PRPF8: variants seen among roughly 807,000 people sequenced by gnomAD.
PRPF8 encodes pre-mRNA processing factor 8.
In PRPF8, 64 loss-of-function variants were observed where a neutral mutation model predicts 285.9. The observed-to-expected ratio is 0.22, with a 90% CI of 0.18 to 0.28. The LOEUF (loss-of-function observed/expected upper bound fraction) is 0.28, where lower values mean the gene tolerates loss of function less well. PRPF8 is among the 10% of genes least tolerant of loss of function. The pLI is 1.00. For synonymous variants in PRPF8, 1,325 were observed against 1,118.2 expected, an observed-to-expected ratio of 1.18 and a Z score of -3.69; for missense variants, 1,426 against 3,026.7, an observed-to-expected ratio of 0.47 and a Z score of 12.41.
rs1912462591 is a variant in PRPF8 at position 1,673,896 on chromosome 17, C to T, written c.3300-4G>A. 1.2e-6 allele frequency: 2 copies of T among 1,612,570 alleles called. No individual in the cohort carries two copies. Among genetic ancestry groups the T allele is most frequent in the South Asian group, 1.1e-5 (1 of 91,066 alleles). On this transcript the variant is annotated splice_region_variant and splice_polypyrimidine_tract_variant and intron_variant, in intron 21 of 42. Transcript: ENST00000304992. The surrounding 1 kb of genome is among the most constrained non-coding windows in gnomAD (Gnocchi z 5.5). ...CCGAGCCTCATCTGCTGTGAACCTA[C>T]ACCAGACCAGGTACACTGCTGAGGC... is the stretch of plus-strand genomic sequence containing the variant.
In PRPF8 at chr17:1,651,278, T is replaced by G. The variant is rs1283212744; in HGVS notation, c.6683A>C (p.Tyr2228Ser). ...FTPGSCTLTAYKLTPSGYEWG... is the reference protein window; with the variant it reads ...FTPGSCTLTASKLTPSGYEWG... ...TTCGTAGCCACTGGGGGTCAGCTTG[T>G]AGGCCGTCAGTGTACAGGAGCCTGG... The change falls in exon 42 of 43, where the codon TAC (tyrosine) becomes TCC (serine). Residue 2228 changes from tyrosine to serine, a missense_variant. By Grantham distance (144) the Tyr-to-Ser change is moderately radical. Coordinates refer to ENST00000304992, the MANE Select transcript of PRPF8 (RefSeq NM_006445.4). The surrounding 1 kb of genome is among the most constrained non-coding windows in gnomAD (Gnocchi z 5.1). 6.2e-7 allele frequency: 1 copy of G among 1,613,924 alleles called. No individual in the cohort carries two copies. Among genetic ancestry groups the G allele is most frequent in the Non-Finnish European group, 8.5e-7 (1 of 1,180,004 alleles).
At chr17:1,655,581 C>T (rs749617673) in intron 36 of PRPF8, 38 bp from the exon 37 acceptor site, 1 of 1,527,584 alleles carries the variant, frequency 6.5e-7, no homozygotes, top group Admixed American at 1.7e-5. Flanking sequence ...AGGTCAGCTG[C>T]TTGAGGCTCT....
chr17:1,684,609 C>A, intron 1 of PRPF8, 27 bp from the exon 2 acceptor site: 1 of 1,604,920 alleles, frequency 6.2e-7, no homozygotes, highest in East Asian at 2.2e-5. Flanking sequence ...TAGAAAAATT[C>A]ACTAACCACA....
At chr17:1,667,070 G>A (rs1414181562) in intron 24 of PRPF8, among the ~76,000 whole-genome samples, 1 of 152,154 alleles carries the variant, frequency 6.6e-6, no homozygotes, top group Non-Finnish European at 1.5e-5. Context: ...CTACTCAGGA[G>A]GCTGAGGCAG....
intron 8 of PRPF8, chr17:1,680,440 T>A (rs1912848339): frequency 3.8e-6 from 2 of 521,800 alleles, no homozygotes; most frequent in Admixed American, 3.2e-5. Flanking sequence ...TACATCTCAA[T>A]ATAAAGGCTA....
At chr17:1,655,127 T>G (rs1246044122) in intron 37 of PRPF8, 3 of 548,798 alleles carry the variant, frequency 5.5e-6, no homozygotes, top group Non-Finnish European at 9.8e-6. Flanking sequence ...CCGGCTAACT[T>G]TTGTATTTTT....
At chr17:1,654,227 A>G (rs1911230360) in intron 37 of PRPF8, 4 of 690,602 alleles carry the variant, frequency 5.8e-6, no homozygotes, top group Admixed American at 2.1e-5. Flanking sequence ...CTGCGTGTGC[A>G]CCTTCCCACT....
At chr17:1,657,235 C>T (rs1911432659) in intron 34 of PRPF8, among the ~76,000 whole-genome samples, 1 of 152,190 alleles carries the variant, frequency 6.6e-6, no homozygotes, top group African/African-American at 2.4e-5. Flanking sequence ...GGAAGAGAAA[C>T]TGGCTGGACA....
Position 1,661,847 on chromosome 17 carries a change from A to G in PRPF8, c.4023-57T>C. On this transcript the variant is annotated intron_variant, in intron 25 of 42. Coordinates refer to ENST00000304992, the MANE Select transcript of PRPF8 (RefSeq NM_006445.4). This position sits in a 1 kb window ranked among gnomAD's most constrained non-coding sequence, Gnocchi z 7.3. ...AAATAAAGCCTAAAACTAAAGAAAT[A>G]CCCACTTCCCTTAGGGCCTGAGCAA... The G allele has an allele frequency of 2.5e-6, 4 of 1,614,024 alleles. No individual in the cohort carries two copies. The highest frequency in any genetic ancestry group is 3.4e-6 in the Non-Finnish European group (4 of 1,180,028).
Position 1,676,510 on chromosome 17 carries a change from G to A in PRPF8, c.2383C>T (p.Leu795=). The A allele has an allele frequency of 6.2e-7, 1 of 1,614,126 alleles. No individual in the cohort carries two copies. The highest frequency in any genetic ancestry group is 8.5e-7 in the Non-Finnish European group (1 of 1,180,010). Residue 795 remains leucine, a synonymous_variant, in exon 16 of 43, where the codon CTG becomes TTG. Transcript: ENST00000304992. The surrounding 1 kb of genome is among the most constrained non-coding windows in gnomAD (Gnocchi z 6.3). The stretch of plus-strand genomic sequence containing the variant: ...CCCAGCCTACTCTGCCCAACCTTCA[G>A]GTAGTTGTGCTGCCGCTCCTGTTCT... The part of the protein sequence containing the change: ...KAEQERQHNY[L]KDGPYITAEE...
chr17:1,654,460 C>T (rs1348983818), intron 37 of PRPF8: 1 of 310,224 alleles, frequency 3.2e-6, no homozygotes. Flanking sequence ...TACTTAGGGT[C>T]TCGGATGTTC....
rs150831971 is a variant in PRPF8 at position 1,678,290 on chromosome 17, G to C, written c.1854+228C>G. On this transcript the variant is annotated intron_variant, in intron 13 of 42. Transcript: ENST00000304992. ...AGATCGTGCCATTGTACTCCAGCTG[G>C]GGCAACAGAGAAAGACTCAGTTTCA... Among the ~76,000 whole-genome samples, 515 of 151,386 alleles carry C rather than the reference G, an allele frequency of 3.4e-3. 5 individuals carry two copies. Among genetic ancestry groups the C allele is most frequent in the African/African-American group, 0.012 (497 of 41,216 alleles).
At chr17:1,656,983 T>C (rs542873026) in intron 34 of PRPF8, among the ~76,000 whole-genome samples, 58 of 152,328 alleles carry the variant, frequency 3.8e-4, no homozygotes, top group African/African-American at 1.3e-3. Flanking sequence ...CACATGAGTA[T>C]GTGCTAAACT....
Position 1,675,689 on chromosome 17 carries a change from G to A in PRPF8, c.2803C>T (p.Leu935=). 6.2e-7 allele frequency: 1 copy of A among 1,614,184 alleles called. No individual in the cohort carries two copies. Among genetic ancestry groups the A allele is most frequent in the Non-Finnish European group, 8.5e-7 (1 of 1,180,036 alleles). The change falls in exon 19 of 43, where the codon CTG becomes TTG. Residue 935 remains leucine, a synonymous_variant. Coordinates refer to ENST00000304992, the MANE Select transcript of PRPF8 (RefSeq NM_006445.4). This position sits in a 1 kb window ranked among gnomAD's most constrained non-coding sequence, Gnocchi z 6.0. ...YLWYEADKRR[L]FPPWIKPADT... ...GCAGGCTTAATCCAGGGTGGGAACA[G>A]GCGGCGCTTGTCGGCTTCATACCAC...
rs762565821 is a variant in PRPF8 at position 1,680,749 on chromosome 17, T to C, written c.1075A>G (p.Ile359Val). 2.4e-5 allele frequency: 39 copies of C among 1,613,192 alleles called. No homozygotes were observed. The highest frequency in any genetic ancestry group is 4.0e-5 in the African/African-American group (3 of 74,860). The change falls in exon 8 of 43, where the codon ATC (isoleucine) becomes GTC (valine). Residue 359 changes from isoleucine (I) to valine (V), a missense_variant. Coordinates refer to ENST00000304992, the MANE Select transcript of PRPF8 (RefSeq NM_006445.4). The stretch of plus-strand genomic sequence containing the variant: ...ACCTTGACTGAGTGCCTATGGGAGA[T>C]TGGGTTGATCAAAGGGTCAAAGTAG... ...AFYFDPLINP[I>V]SHRHSVKSQE...
At chr17:1,678,740 G>C (rs770285001) in intron 12 of PRPF8, 22 bp downstream of exon 12, 44 of 1,613,948 alleles carry the variant, frequency 2.7e-5, no homozygotes, top group African/African-American at 4.0e-5. Flanking sequence ...CCCAGGCAGG[G>C]GTTGGGAATA....
rs58454297 is a variant in PRPF8, at chr17:1,663,710, C to CAAAAAAAAA, written c.3775-1566_3775-1558dup. Among the ~76,000 whole-genome samples the CAAAAAAAAA allele has an allele frequency of 1.8e-4, 3 of 17,112 alleles. 1 individual carries two copies. Among genetic ancestry groups the CAAAAAAAAA allele is most frequent in the Admixed American group, 9.1e-4 (1 of 1,102 alleles). The allele number at this position is 17,112 out of a possible 152,430, so 11.2% of individuals were successfully genotyped here. A position where few individuals can be genotyped will look rare whatever the true frequency, so the allele number is the denominator to read the frequency against. On this transcript the variant is annotated intron_variant, in intron 24 of 42. Transcript: ENST00000304992. ...GGCAACCAAGGAAGAGACTCCATCT[C>CAAAAAAAAA]AAAAAAAAAAAAAAAAAAAAAAAAA...
chr17:1,676,320 T>G lies in PRPF8; in HGVS notation c.2439A>C (p.Thr813=). The change falls in exon 17 of 43, where the codon ACA becomes ACC. Residue 813 remains threonine, a synonymous_variant. Coordinates refer to ENST00000304992, the MANE Select transcript of PRPF8 (RefSeq NM_006445.4). This position sits in a 1 kb window ranked among gnomAD's most constrained non-coding sequence, Gnocchi z 6.3. ...AEEAVAVYTT[T]VHWLESRRFS... The stretch of plus-strand genomic sequence containing the variant: ...ACCTGCGGCTTTCCAACCAATGCAC[T>G]GTGGTGGTATATACTGCCACTGCTT... 1 of 1,614,172 alleles carries G rather than the reference T, an allele frequency of 6.2e-7. No homozygotes were observed. The highest frequency in any genetic ancestry group is 8.5e-7 in the Non-Finnish European group (1 of 1,180,044).
In PRPF8 at chr17:1,675,042, G is replaced by A; in HGVS notation, c.3060+110C>T. ...CCCGCCTCAGCCTCCCAAAGTGCTG[G>A]GATTACAGGCATGAGCCACCGCACC... On this transcript the variant is annotated intron_variant, in intron 20 of 42. Coordinates refer to ENST00000304992, the MANE Select transcript of PRPF8 (RefSeq NM_006445.4). The surrounding 1 kb of genome is among the most constrained non-coding windows in gnomAD (Gnocchi z 6.0). 1 of 1,315,902 alleles carries A rather than the reference G, an allele frequency of 7.6e-7. No individual in the cohort carries two copies. The highest frequency in any genetic ancestry group is 1.1e-6 in the Non-Finnish European group (1 of 928,658). 81.5% of individuals were successfully genotyped at this position (1,315,902 alleles called of 1,614,324 possible). A position where few individuals can be genotyped will look rare whatever the true frequency, so the allele number is the denominator to read the frequency against.
Sources: gnomAD v4.1 joint callset for allele counts (sites outside exome capture counted in the v4.1 genomes callset) on GRCh38, gnomAD v4.1.1 for gene constraint, Gnocchi (gnomAD v3.1) non-coding constraint, MANE v1.5 for transcripts, NCBI Gene and HGNC (gene_info 2026-07-23, HGNC 2026-07-21) for gene names.